The following FHIT variants were observed in gnomAD, a reference collection of about 807,000 sequenced individuals.
FHIT encodes bis(5'-adenosyl)-triphosphatase.
A neutral mutation model predicts 17.9 loss-of-function variants in FHIT; 19 were observed. The ratio of observed to expected loss-of-function variants is 1.06; its 90% confidence interval spans 0.74 to 1.56. The LOEUF is 1.56. Among genes scored for constraint, FHIT ranks in the 40% most tolerant of loss-of-function variants. The pLI, the probability that FHIT is intolerant of heterozygous loss-of-function variation, is 0.00. For synonymous variants in FHIT, 81 were observed against 69.7 expected (o/e 1.16, Z -0.81); for missense variants, 248 against 189.2 (o/e 1.31, Z -1.82).
chr3:61,076,390 G>A (rs989943758), intron 2 of FHIT, among the ~76,000 whole-genome samples: 5 of 152,202 alleles, frequency 3.3e-5, no homozygotes, highest in Middle Eastern at 3.4e-3. Context: ...GTAAAAGAAC[G>A]AAAGCTTTCC....
intron 5 of FHIT, among the ~76,000 whole-genome samples, chr3:60,524,511 G>C (rs552888446): frequency 1.3e-5 from 2 of 152,268 alleles, no homozygotes; most frequent in East Asian, 3.9e-4. Context: ...AGTGTGGTTG[G>C]ATCTGAGCGA....
chr3:59,858,038 T>C (rs1206000750), intron 8 of FHIT, among the ~76,000 whole-genome samples: 1 of 152,136 alleles, frequency 6.6e-6, no homozygotes, highest in Non-Finnish European at 1.5e-5. Context: ...TTAAATGATT[T>C]CTGTCTTCAA....
At chr3:60,926,181 G>C (rs1289743974) in intron 3 of FHIT, among the ~76,000 whole-genome samples, 3 of 152,232 alleles carry the variant, frequency 2.0e-5, no homozygotes, top group South Asian at 2.1e-4. Context: ...TCCAGGAATT[G>C]AACTCAGCTC....
chr3:61,038,251 T>C (rs2033349281), intron 3 of FHIT, among the ~76,000 whole-genome samples: 1 of 152,212 alleles, frequency 6.6e-6, no homozygotes, highest in Non-Finnish European at 1.5e-5. Flanking sequence ...AGACACCCTC[T>C]GCAAAGCATT....
intron 4 of FHIT, among the ~76,000 whole-genome samples, chr3:60,813,796 A>G (rs1454028572): frequency 1.3e-5 from 2 of 152,152 alleles, no homozygotes; most frequent in Non-Finnish European, 1.5e-5. Context: ...TTCATGTATA[A>G]TCCTTATGTC....
chr3:59,912,853 T>G (rs533065767), intron 8 of FHIT, among the ~76,000 whole-genome samples: 2 of 152,262 alleles, frequency 1.3e-5, no homozygotes. Context: ...TGTTTCTTTT[T>G]CAGAAAAAAA....
rs530352604 is a variant in FHIT at position 61,165,000 on chromosome 3, C to T, written c.-164+35617G>A. ...CTTTTTTTATGACTGTATTGTATTCCATGGTATATATGTACCACATTTTCT... is the reference window on the plus strand; with the variant it reads ...CTTTTTTTATGACTGTATTGTATTCTATGGTATATATGTACCACATTTTCT... On this transcript the variant is annotated intron_variant, in intron 2 of 9. Coordinates refer to ENST00000492590, the MANE Select transcript of FHIT (RefSeq NM_002012.4). 2.6e-5 allele frequency among the ~76,000 whole-genome samples: 4 copies of T among 152,296 alleles called. No individual in the cohort carries two copies. The South Asian group carries it at 8.3e-4, about 32-fold the overall frequency.
intron 8 of FHIT, among the ~76,000 whole-genome samples, chr3:59,773,491 C>A (rs890516973): frequency 1.3e-5 from 2 of 152,138 alleles, no homozygotes; most frequent in African/African-American, 4.8e-5. Flanking sequence ...CTCACTTAAT[C>A]GAAAATGTTT....
intron 8 of FHIT, among the ~76,000 whole-genome samples, chr3:59,757,466 T>C (rs956431252): frequency 3.4e-5 from 5 of 148,946 alleles, no homozygotes; most frequent in African/African-American, 1.0e-4. Flanking sequence ...GAGTGTGTTA[T>C]CACAAGGTAT....
At chr3:61,088,322 A>T (rs985115773) in intron 2 of FHIT, among the ~76,000 whole-genome samples, 2 of 152,188 alleles carry the variant, frequency 1.3e-5, no homozygotes, top group Non-Finnish European at 1.5e-5. Flanking sequence ...CTATTTGCCC[A>T]TCCAGAATAG....
At chr3:60,829,376 C>A (rs1001995528) in intron 3 of FHIT, among the ~76,000 whole-genome samples, 2 of 152,150 alleles carry the variant, frequency 1.3e-5, no homozygotes, top group African/African-American at 2.4e-5. Context: ...CAAATAATTC[C>A]CTTTCTTCTT....
At chr3:61,139,091 G>A (rs2106990614) in intron 2 of FHIT, among the ~76,000 whole-genome samples, 1 of 148,458 alleles carries the variant, frequency 6.7e-6, no homozygotes, top group South Asian at 2.1e-4. Flanking sequence ...GTGCAGTGGT[G>A]CGATCTCGGC....
intron 5 of FHIT, among the ~76,000 whole-genome samples, chr3:60,073,459 A>G (rs751108207): frequency 1.6e-4 from 24 of 152,092 alleles, no homozygotes; most frequent in Non-Finnish European, 3.1e-4. Flanking sequence ...ATCTTTCTTT[A>G]ATGAATATAG....
At chr3:60,495,934 G>C (rs979550197) in intron 5 of FHIT, among the ~76,000 whole-genome samples, 27 of 152,050 alleles carry the variant, frequency 1.8e-4, no homozygotes, top group African/African-American at 6.3e-4. Flanking sequence ...GGAAAGAATA[G>C]AATGGAACAC....
intron 4 of FHIT, among the ~76,000 whole-genome samples, chr3:60,739,847 A>G (rs2042207751): frequency 6.6e-6 from 1 of 152,184 alleles, no homozygotes; most frequent in Non-Finnish European, 1.5e-5. Context: ...TTATCACTGG[A>G]AATTCATCAA....
At chr3:59,851,645 G>A (rs1041084670) in intron 8 of FHIT, among the ~76,000 whole-genome samples, 3 of 152,096 alleles carry the variant, frequency 2.0e-5, no homozygotes, top group African/African-American at 7.2e-5. Context: ...CCTCAGTCAG[G>A]CTTATTACAT....
intron 3 of FHIT, among the ~76,000 whole-genome samples, chr3:60,884,545 A>G (rs1575641831): frequency 6.6e-6 from 1 of 152,298 alleles, no homozygotes; most frequent in East Asian, 1.9e-4. Flanking sequence ...TATTTTATAC[A>G]ATTAAGCCTA....
intron 5 of FHIT, among the ~76,000 whole-genome samples, chr3:60,529,885 C>G (rs1417972612): frequency 6.6e-6 from 1 of 152,104 alleles, no homozygotes. Flanking sequence ...ATCCCTCTCC[C>G]CCAGCATACA....
chr3:60,040,631 G>A (rs1419732137), intron 5 of FHIT, among the ~76,000 whole-genome samples: 7 of 152,074 alleles, frequency 4.6e-5, no homozygotes, highest in Non-Finnish European at 8.8e-5. Context: ...AAATTGGTTC[G>A]GAGGGCTTCA....
Sources: allele counts gnomAD v4.1 joint callset (sites outside exome capture counted in the v4.1 genomes callset), GRCh38; gene constraint gnomAD v4.1.1; transcripts MANE v1.5; gene names NCBI Gene and HGNC (gene_info 2026-07-23, HGNC 2026-07-21).